Variants in DHX36 observed in about 807,000 individuals in gnomAD.
DHX36 encodes the protein ATP-dependent DNA/RNA helicase DHX36.
DHX36 carries 50 observed loss-of-function variants against 139.0 expected under a neutral mutation model. That is an observed-to-expected ratio of 0.36 (90% confidence interval 0.29 to 0.46). The LOEUF (loss-of-function observed/expected upper bound fraction) is 0.46. Among genes scored for constraint, DHX36 ranks in the 20% least tolerant of loss-of-function variants. DHX36 has a pLI of 1.00. For synonymous variants in DHX36, 425 were observed against 401.9 expected (o/e 1.06, Z -0.69); for missense variants, 1,024 against 1,211.3 (o/e 0.85, Z 2.29).
chr3:154,302,247 G>T (rs1712327576), intron 9 of DHX36, among the ~76,000 whole-genome samples: 1 of 152,146 alleles, frequency 6.6e-6, no homozygotes, highest in East Asian at 1.9e-4. Flanking sequence ...CCCAGAGTTT[G>T]TGTGTGTTTG....
chr3:154,286,486 G>A (rs1483053970), intron 17 of DHX36, among the ~76,000 whole-genome samples: 2 of 150,622 alleles, frequency 1.3e-5, no homozygotes, highest in Non-Finnish European at 3.0e-5. Flanking sequence ...ATATTTAAAA[G>A]CAGAATCCAA....
intron 17 of DHX36, among the ~76,000 whole-genome samples, chr3:154,288,505 C>A (rs1213919547): frequency 6.6e-6 from 1 of 152,032 alleles, no homozygotes; most frequent in Non-Finnish European, 1.5e-5. Context: ...TAAGTAATTA[C>A]TACATAGTCC....
At chr3:154,316,745 C>A (rs1278551350) in intron 1 of DHX36, among the ~76,000 whole-genome samples, 2 of 151,328 alleles carry the variant, frequency 1.3e-5, no homozygotes, top group Non-Finnish European at 2.9e-5. Flanking sequence ...ATATAAAGGT[C>A]CTTGGTGAAC....
chr3:154,316,314 C>T, intron 1 of DHX36, 151 bp from the exon 2 acceptor site: 1 of 933,640 alleles, frequency 1.1e-6, no homozygotes, highest in Non-Finnish European at 1.6e-6. Flanking sequence ...AGCCCAATAC[C>T]CCCCTTCCTA....
chr3:154,303,071 T>C (rs1712363600), intron 9 of DHX36, among the ~76,000 whole-genome samples: 1 of 152,096 alleles, frequency 6.6e-6, no homozygotes, highest in Non-Finnish European at 1.5e-5. Context: ...AGAGAGACTC[T>C]GTCTCAATTA....
intron 23 of DHX36, 64 bp downstream of exon 23, chr3:154,277,534 C>A: frequency 6.8e-7 from 1 of 1,474,884 alleles, no homozygotes; most frequent in South Asian, 1.5e-5. Flanking sequence ...GTTAAAACTA[C>A]ACAATCATAA....
At chr3:154,293,658 G>T in intron 14 of DHX36, 90 bp downstream of exon 14, 1 of 932,936 alleles carries the variant, frequency 1.1e-6, no homozygotes, top group South Asian at 1.5e-5. Flanking sequence ...CAAGGTATAT[G>T]GTAGAGAAAA....
At position 154,273,170 on chromosome 3, in the gene DHX36, A is replaced by G. The variant is rs987029831; in HGVS notation, c.*3001T>C. The G allele has an allele frequency of 4.6e-5, 7 of 152,128 alleles. No individual in the cohort carries two copies. The highest frequency in any genetic ancestry group is 1.4e-4 in the African/African-American group (6 of 41,430). 9.4% of individuals were successfully genotyped at this position (152,128 alleles called of 1,614,324 possible). A position where few individuals can be genotyped will look rare whatever the true frequency, so the allele number is the denominator to read the frequency against. On this transcript the variant is annotated 3_prime_UTR_variant, in exon 25 of 25. Coordinates refer to ENST00000496811, the MANE Select transcript of DHX36 (RefSeq NM_020865.3). ...AATGTCTTATTCTTTAAAATCCACTAAAGAACAAACAGTTCTTAGACCTGG... is the reference window on the plus strand; with the variant it reads ...AATGTCTTATTCTTTAAAATCCACTGAAGAACAAACAGTTCTTAGACCTGG...
At chr3:154,283,720 T>C (rs1164990535) in intron 19 of DHX36, among the ~76,000 whole-genome samples, 1 of 151,986 alleles carries the variant, frequency 6.6e-6, no homozygotes, top group Non-Finnish European at 1.5e-5. Flanking sequence ...AACATGAACT[T>C]TCCCATAATA....
At chr3:154,314,796 T>C (rs1390514757) in intron 3 of DHX36, 1 of 320,488 alleles carries the variant, frequency 3.1e-6, no homozygotes, top group Non-Finnish European at 5.7e-6. Context: ...TTTTTTTCAT[T>C]GGCACTAGCA....
At chr3:154,310,675 A>G (rs1451782382) in intron 4 of DHX36, among the ~76,000 whole-genome samples, 2 of 145,900 alleles carry the variant, frequency 1.4e-5, no homozygotes, top group African/African-American at 5.1e-5. Flanking sequence ...CTACTCGGGA[A>G]GCTGAGGCAG....
intron 17 of DHX36, among the ~76,000 whole-genome samples, chr3:154,287,344 C>T (rs1222707175): frequency 1.3e-5 from 2 of 152,056 alleles, no homozygotes; most frequent in African/African-American, 2.4e-5. Context: ...GAGAATGATA[C>T]ATCTTACTGC....
chr3:154,312,648 C>G (rs1712803433), intron 3 of DHX36, among the ~76,000 whole-genome samples: 1 of 151,136 alleles, frequency 6.6e-6, no homozygotes, highest in Non-Finnish European at 1.5e-5. Flanking sequence ...TGAGACCAGC[C>G]TGGCCAGCAA....
intron 3 of DHX36, chr3:154,314,706 G>T: frequency 5.6e-6 from 1 of 178,888 alleles, no homozygotes; most frequent in Non-Finnish European, 1.2e-5. Context: ...AAGTAATCTG[G>T]AACAAGCTTT....
chr3:154,291,111 G>C (rs903726183), intron 15 of DHX36, among the ~76,000 whole-genome samples: 2 of 127,144 alleles, frequency 1.6e-5, no homozygotes, highest in East Asian at 4.6e-4. Flanking sequence ...CTCCAGCCTG[G>C]GCGACAGAGC....
Position 154,277,803 on chromosome 3 carries a change from A to G in DHX36, c.2568-85T>C, listed in dbSNP as rs1384472470. On this transcript the variant is annotated intron_variant, in intron 22 of 24. Coordinates refer to ENST00000496811, the MANE Select transcript of DHX36 (RefSeq NM_020865.3). ...TTTACACTACTTGAAAAACTGATAG[A>G]AGAGCTTGGTAAAAACCAAACAAAT... The G allele has an allele frequency of 3.1e-6, 4 of 1,285,282 alleles. No individual in the cohort carries two copies. In the African/African-American group the frequency reaches 4.5e-5, roughly 14 times the overall value. 79.6% of individuals were successfully genotyped at this position (1,285,282 alleles called of 1,614,324 possible).
At position 154,292,132 on chromosome 3, in the gene DHX36, A is replaced by C. The variant is rs139144765; in HGVS notation, c.1814+419T>G. Among the ~76,000 whole-genome samples the C allele has an allele frequency of 3.0e-3, 460 of 152,276 alleles. 5 individuals carry two copies. The highest frequency in any genetic ancestry group is 3.5e-3 in the Non-Finnish European group (239 of 68,002). The stretch of plus-strand genomic sequence containing the variant: ...AAGTCATTTAATTTCCTTGTACCTT[A>C]ATTTCCTTATCTGTAAAATGGATAT... On this transcript the variant is annotated intron_variant, in intron 15 of 24. Transcript: ENST00000496811.
intron 7 of DHX36, 36 bp from the exon 8 acceptor site, chr3:154,305,008 C>A: frequency 1.3e-6 from 2 of 1,596,066 alleles, no homozygotes; most frequent in South Asian, 1.1e-5. Context: ...ATTTTAAAAC[C>A]ATTTTTCTTT....
chr3:154,322,003 T>A lies in DHX36; in HGVS notation c.243+2171A>T, dbSNP rs140866410. 6.8e-3 allele frequency among the ~76,000 whole-genome samples: 1,034 copies of A among 151,290 alleles called. 12 individuals carry two copies. Among genetic ancestry groups the A allele is most frequent in the African/African-American group, 0.024 (1,002 of 41,188 alleles). On this transcript the variant is annotated intron_variant, in intron 1 of 24. Coordinates refer to ENST00000496811, the MANE Select transcript of DHX36 (RefSeq NM_020865.3). ...AAGTGAAAGCTACCGAAATTCTGAC[T>A]GGGAAACAATGATATCAAGCTAAAG...
Sources: gnomAD v4.1 joint callset for allele counts (sites outside exome capture counted in the v4.1 genomes callset) on GRCh38, gnomAD v4.1.1 for gene constraint, MANE v1.5 for transcripts, NCBI Gene and HGNC (gene_info 2026-07-23, HGNC 2026-07-21) for gene names.